ZNRF3: variants seen among roughly 807,000 people sequenced by gnomAD.
ZNRF3 encodes E3 ubiquitin-protein ligase ZNRF3.
A neutral mutation model predicts 72.5 loss-of-function variants in ZNRF3; 23 were observed. The ratio of observed to expected loss-of-function variants is 0.32; its 90% CI spans 0.23 to 0.45. The LOEUF (loss-of-function observed/expected upper bound fraction) is 0.45. ZNRF3 is among the 20% of genes least tolerant of loss of function. The pLI, the probability that ZNRF3 is intolerant of heterozygous loss-of-function variation, is 1.00. For missense variants in ZNRF3, 1,169 were observed against 1,272.1 expected (o/e 0.92, Z 1.23); for synonymous variants, 610 against 545.3 (o/e 1.12, Z -1.65).
At chr22:28,912,720 A>C (rs568893933) in intron 1 of ZNRF3, among the ~76,000 whole-genome samples, 89 of 141,380 alleles carry the variant, frequency 6.3e-4, no homozygotes, top group Admixed American at 1.3e-3. Flanking sequence ...GCTGGAGTGC[A>C]ATGGTTCAAT....
At chr22:29,002,981 A>G (rs960433011) in intron 2 of ZNRF3, among the ~76,000 whole-genome samples, 1 of 152,194 alleles carries the variant, frequency 6.6e-6, no homozygotes, top group East Asian at 1.9e-4. Context: ...GAAGAAAAAA[A>G]TTTTGCACTT....
intron 2 of ZNRF3, among the ~76,000 whole-genome samples, chr22:29,029,088 C>T (rs1421178456): frequency 6.6e-6 from 1 of 152,214 alleles, no homozygotes; most frequent in Admixed American, 6.5e-5. Context: ...GGGTGTTCAC[C>T]TGCCTGTGTA....
chr22:28,924,254 G>A (rs1256286284), intron 1 of ZNRF3, among the ~76,000 whole-genome samples: 1 of 152,242 alleles, frequency 6.6e-6, no homozygotes, highest in African/African-American at 2.4e-5. Flanking sequence ...AATGCTGCAA[G>A]TGACTAGAAT....
intron 1 of ZNRF3, among the ~76,000 whole-genome samples, chr22:28,910,021 C>T (rs1197747844): frequency 6.6e-6 from 1 of 151,706 alleles, no homozygotes; most frequent in East Asian, 1.9e-4. Context: ...ATTTGGGAGC[C>T]TCACTTTCTC....
chr22:28,905,813 T>C (rs1026250192), intron 1 of ZNRF3, among the ~76,000 whole-genome samples: 29 of 152,178 alleles, frequency 1.9e-4, no homozygotes, highest in South Asian at 1.4e-3. Context: ...TGGGACCTTA[T>C]ACTGTTTTTC....
At chr22:28,920,949 C>T (rs2034501079) in intron 1 of ZNRF3, among the ~76,000 whole-genome samples, 1 of 152,252 alleles carries the variant, frequency 6.6e-6, no homozygotes, top group African/African-American at 2.4e-5. Context: ...CCCAGTCACA[C>T]ACGGGGCTAG....
chr22:29,007,022 A>T (rs2036263204), intron 2 of ZNRF3, among the ~76,000 whole-genome samples: 1 of 152,274 alleles, frequency 6.6e-6, no homozygotes. Context: ...ACTGTATGCC[A>T]GGTGTTTTCA....
chr22:28,936,746 A>T (rs2034826418), intron 1 of ZNRF3, among the ~76,000 whole-genome samples: 1 of 152,162 alleles, frequency 6.6e-6, no homozygotes, highest in South Asian at 2.1e-4. Flanking sequence ...TTTCTTAACC[A>T]TGGCTTTCAT....
intron 1 of ZNRF3, among the ~76,000 whole-genome samples, chr22:28,970,950 A>G (rs960138402): frequency 9.9e-5 from 15 of 152,224 alleles, no homozygotes; most frequent in Non-Finnish European, 2.2e-4. Context: ...GGTTTCACAG[A>G]TGTCTGCACC....
chr22:28,954,084 C>G (rs1417802786), intron 1 of ZNRF3, among the ~76,000 whole-genome samples: 1 of 152,110 alleles, frequency 6.6e-6, no homozygotes, highest in Non-Finnish European at 1.5e-5. Context: ...TGTTTTTTTT[C>G]ATGACTTCTT....
chr22:28,905,834 C>G (rs1224791351), intron 1 of ZNRF3, among the ~76,000 whole-genome samples: 1 of 152,088 alleles, frequency 6.6e-6, no homozygotes, highest in Non-Finnish European at 1.5e-5. Context: ...TCACTAGATC[C>G]TTAAGAGGAT....
intron 2 of ZNRF3, among the ~76,000 whole-genome samples, chr22:29,013,809 G>A (rs571052860): frequency 3.3e-5 from 5 of 152,282 alleles, no homozygotes; most frequent in South Asian, 2.1e-4. Flanking sequence ...CCATAAAAGC[G>A]TGATGATATG....
At chr22:29,044,305 G>A (rs1047997388) in intron 4 of ZNRF3, among the ~76,000 whole-genome samples, 3 of 152,114 alleles carry the variant, frequency 2.0e-5, no homozygotes, top group African/African-American at 7.2e-5. Context: ...AAAAAAAAGC[G>A]CTTTGGTAAA....
chr22:28,961,326 A>T (rs996998500), intron 1 of ZNRF3, among the ~76,000 whole-genome samples: 1 of 152,236 alleles, frequency 6.6e-6, no homozygotes, highest in Non-Finnish European at 1.5e-5. Context: ...ACCATAGCAC[A>T]TGCATTATCT....
chr22:29,044,317 A>G (rs1335027861), intron 4 of ZNRF3, among the ~76,000 whole-genome samples: 2 of 152,134 alleles, frequency 1.3e-5, no homozygotes, highest in African/African-American at 2.4e-5. Flanking sequence ...TTTGGTAAAT[A>G]TGACTCATTG....
chr22:28,939,400 T>C (rs1461136860), intron 1 of ZNRF3, among the ~76,000 whole-genome samples: 4 of 152,130 alleles, frequency 2.6e-5, no homozygotes, highest in Non-Finnish European at 4.4e-5. Context: ...GTACATATAA[T>C]GTGTTTAGTA....
Position 28,883,908 on chromosome 22 carries a change from G to T in ZNRF3, c.142G>T (p.Ala48Ser). 1 of 1,150,806 alleles carries T rather than the reference G, an allele frequency of 8.7e-7. No individual in the cohort carries two copies. Among genetic ancestry groups the T allele is most frequent in the Non-Finnish European group, 1.1e-6 (1 of 923,256 alleles). 71.3% of individuals were successfully genotyped at this position (1,150,806 alleles called of 1,614,324 possible). ...PLLLGLLLAA[A>S]GPGAARAKET... Reference sequence around the variant, plus strand: ...GCTGCTCGGGCTGCTGCTGGCGGCCGCGGGGCCCGGCGCGGCGCGGGCCAA... The same window carrying T: ...GCTGCTCGGGCTGCTGCTGGCGGCCTCGGGGCCCGGCGCGGCGCGGGCCAA... The change falls in exon 1 of 9, where the codon GCG (alanine) becomes TCG (serine). Residue 48 changes from alanine (A) to serine (S), a missense_variant. Physicochemically the swap from Ala to Ser is moderately conservative, Grantham distance 99 (BLOSUM62 1). Transcript: ENST00000544604. The surrounding 1 kb of genome is among the most constrained non-coding windows in gnomAD (Gnocchi z 5.5).
chr22:28,914,652 T>C (rs1234898695), intron 1 of ZNRF3, among the ~76,000 whole-genome samples: 2 of 151,818 alleles, frequency 1.3e-5, no homozygotes, highest in Non-Finnish European at 2.9e-5. Context: ...CCGTCTCTAC[T>C]AAAAATACAA....
intron 1 of ZNRF3, among the ~76,000 whole-genome samples, chr22:28,949,888 T>C (rs747363846): frequency 6.6e-6 from 1 of 152,198 alleles, no homozygotes; most frequent in Non-Finnish European, 1.5e-5. Context: ...AAGTATTTTG[T>C]CTTGAGGCAA....
Sources: gnomAD v4.1 joint callset for allele counts (sites outside exome capture counted in the v4.1 genomes callset) on GRCh38, gnomAD v4.1.1 for gene constraint, Gnocchi (gnomAD v3.1) non-coding constraint, MANE v1.5 for transcripts, NCBI Gene and HGNC (gene_info 2026-07-23, HGNC 2026-07-21) for gene names.